PRKACB: variants seen among roughly 807,000 people sequenced by gnomAD.
PRKACB encodes the protein protein kinase cAMP-activated catalytic subunit beta, also known as cAMP-dependent protein kinase catalytic subunit beta.
Under a neutral mutation model 51.4 loss-of-function variants are expected in PRKACB, and 16 were observed. That is an observed-to-expected ratio of 0.31 (90% CI 0.21 to 0.47). PRKACB has a LOEUF of 0.47. Ranked by LOEUF, PRKACB falls within the 20% of genes least tolerant of loss-of-function variation. PRKACB has a pLI of 1.00. For synonymous variants in PRKACB, 147 were observed against 154.4 expected (o/e 0.95, Z 0.35); for missense variants, 309 against 464.5 (o/e 0.67, Z 3.08).
upstream of PRKACB, among the ~76,000 whole-genome samples, chr1:84,144,086 G>C (rs1054050107): frequency 1.8e-4 from 27 of 152,060 alleles, no homozygotes; most frequent in Middle Eastern, 3.2e-3. Flanking sequence ...GCTCTCATTA[G>C]CCTATATATT....
chr1:84,218,994 T>G (rs1381369800), intron 9 of PRKACB, among the ~76,000 whole-genome samples: 1 of 152,216 alleles, frequency 6.6e-6, no homozygotes, highest in Non-Finnish European at 1.5e-5. Flanking sequence ...TGTTTATTTT[T>G]GGCTACTGAA....
intron 1 of PRKACB, among the ~76,000 whole-genome samples, chr1:84,158,621 T>C (rs6696125): frequency 0.47 from 70,802 of 151,866 alleles, 17,382 homozygotes; most frequent in Non-Finnish European, 0.56. Flanking sequence ...GTCTGTCTTA[T>C]GTTGTCATTT....
At position 84,087,642 on chromosome 1, in the gene PRKACB, C is replaced by T. The variant is rs1006175905; in HGVS notation, c.46+9271C>T. Among the ~76,000 whole-genome samples the T allele has an allele frequency of 5.3e-5, 8 of 152,036 alleles. No homozygotes were observed. In the East Asian group the frequency reaches 5.8e-4, roughly 11 times the overall value. On this transcript the variant is annotated intron_variant, in intron 1 of 8. Coordinates refer to the PRKACB transcript ENST00000370688. ...AAACTCCTGGGCTCAGGCAGTCCTGCGTAGCTGGGACTGCAGGTGTGTACC... is the reference window on the plus strand; with the variant it reads ...AAACTCCTGGGCTCAGGCAGTCCTGTGTAGCTGGGACTGCAGGTGTGTACC...
chr1:84,094,229 G>GAAGGT (rs1648751359), intron 1 of PRKACB, among the ~76,000 whole-genome samples: 1 of 151,852 alleles, frequency 6.6e-6, no homozygotes. Context: ...AAGATATCCT[G>GAAGGT]TTATCTGTTT....
At chr1:84,078,265 T>A (rs545235299) in exon 1 of PRKACB, 1 of 1,524,254 alleles carries the variant, frequency 6.6e-7, no homozygotes, top group Admixed American at 2.0e-5. Flanking sequence ...GACTGTGGAG[T>A]GGCGGGCACG....
At chr1:84,116,409 G>A in intron 1 of PRKACB, among the ~76,000 whole-genome samples, 1 of 152,024 alleles carries the variant, frequency 6.6e-6, no homozygotes, top group East Asian at 1.9e-4. Flanking sequence ...ATATGATTAT[G>A]TTGAGTCTGT....
chr1:84,140,511 A>G (rs567745326), upstream of PRKACB, among the ~76,000 whole-genome samples: 1 of 152,332 alleles, frequency 6.6e-6, no homozygotes, highest in African/African-American at 2.4e-5. Flanking sequence ...CTCTACATGG[A>G]GCACATACAT....
chr1:84,190,668 C>G (rs1337750395), intron 5 of PRKACB, among the ~76,000 whole-genome samples: 1 of 152,048 alleles, frequency 6.6e-6, no homozygotes, highest in Non-Finnish European at 1.5e-5. Context: ...ATATAAAACT[C>G]TCTGACCAGG....
At chr1:84,137,661 G>C (rs371172869) in intron 1 of PRKACB, among the ~76,000 whole-genome samples, 1 of 152,184 alleles carries the variant, frequency 6.6e-6, no homozygotes, top group Non-Finnish European at 1.5e-5. Context: ...AGTGGAGTCC[G>C]TAAGACTGGA....
At chr1:84,180,204 A>ATATATATATATATATATATATC (rs1347501164) in intron 2 of PRKACB, among the ~76,000 whole-genome samples, 1 of 124,028 alleles carries the variant, frequency 8.1e-6, no homozygotes. Flanking sequence ...ATATATATAT[A>ATATATATATATATATATATATC]TATATGTATG....
intron 1 of PRKACB, among the ~76,000 whole-genome samples, chr1:84,128,078 G>A (rs1429334895): frequency 1.5e-5 from 2 of 135,780 alleles, no homozygotes; most frequent in Non-Finnish European, 1.5e-5. Context: ...GTGTGATCTC[G>A]GCTCACTGCA....
At chr1:84,126,138 C>G (rs1651581519) in intron 1 of PRKACB, among the ~76,000 whole-genome samples, 2 of 152,088 alleles carry the variant, frequency 1.3e-5, no homozygotes, top group Non-Finnish European at 2.9e-5. Context: ...GCATGTGTTA[C>G]AGTGTGCTCA....
At chr1:84,134,240 A>T (rs192716162) in intron 1 of PRKACB, among the ~76,000 whole-genome samples, 1 of 152,228 alleles carries the variant, frequency 6.6e-6, no homozygotes, top group East Asian at 1.9e-4. Flanking sequence ...GATTTGGGGC[A>T]GGGCAGGCCA....
At chr1:84,159,927 C>G (rs959339829) in intron 1 of PRKACB, among the ~76,000 whole-genome samples, 1 of 152,060 alleles carries the variant, frequency 6.6e-6, no homozygotes, top group African/African-American at 2.4e-5. Context: ...TGGAATAAAT[C>G]CCACATGGTC....
At chr1:84,144,676 ATGAAGT>A in intron 1 of PRKACB, 128 bp downstream of exon 1, 1 of 1,011,636 alleles carries the variant, frequency 9.9e-7, no homozygotes, top group Non-Finnish European at 1.4e-6. Context: ...ATTTTGCAAG[ATGAAGT>A]TGAAAGAATT....
intron 1 of PRKACB, among the ~76,000 whole-genome samples, chr1:84,090,630 C>A: frequency 6.6e-6 from 1 of 152,150 alleles, no homozygotes. Flanking sequence ...TCAGCTGAAG[C>A]ACCTACACAT....
In PRKACB at chr1:84,196,733, C is replaced by T. The variant is rs371837162; in HGVS notation, c.678C>T (p.Gly226=). 3.7e-6 allele frequency: 6 copies of T among 1,612,102 alleles called. No homozygotes were observed. The African/African-American group carries it at 8.0e-5, about 22-fold the overall frequency. Residue 226 remains glycine, a synonymous_variant, in exon 6 of 10, where the codon GGC becomes GGT. Transcript: ENST00000370685. ...KPENLLIDHQ[G]YIQVTDFGFA... is the part of the protein sequence containing the mutation. ...AAAATCTCTTAATTGACCATCAAGG[C>T]TATATCCAGGTATGACTTTAACACA...
At chr1:84,179,581 A>T (rs1186136745) in intron 2 of PRKACB, among the ~76,000 whole-genome samples, 1 of 151,830 alleles carries the variant, frequency 6.6e-6, no homozygotes, top group Non-Finnish European at 1.5e-5. Context: ...AAGAGTCCTT[A>T]CGTACAGTTT....
At chr1:84,202,939 T>C (rs1670549245) in intron 8 of PRKACB, 134 bp downstream of exon 8, 1 of 798,286 alleles carries the variant, frequency 1.3e-6, no homozygotes, top group Admixed American at 3.7e-5. Context: ...TTGCTGCTCT[T>C]ACTATCATAA....
Sources: allele counts gnomAD v4.1 joint callset (sites outside exome capture counted in the v4.1 genomes callset), GRCh38; gene constraint gnomAD v4.1.1; transcripts MANE v1.5; gene names NCBI Gene and HGNC (gene_info 2026-07-23, HGNC 2026-07-21).